The following RNF111 variants were observed in gnomAD, a reference collection of about 807,000 sequenced individuals.
RNF111 encodes ring finger protein 111, also known as E3 ubiquitin-protein ligase Arkadia.
Under a neutral mutation model 95.1 loss-of-function variants are expected in RNF111, and 17 were observed. The observed-to-expected ratio is 0.18, with a 90% CI of 0.12 to 0.27. The LOEUF (loss-of-function observed/expected upper bound fraction) is 0.27, where lower values mean the gene tolerates loss of function less well. Among genes scored for constraint, RNF111 ranks in the 10% least tolerant of loss-of-function variants. RNF111 has a pLI of 1.00. For missense variants in RNF111, 1,189 were observed against 1,210.4 expected (o/e 0.98, Z 0.26); for synonymous variants, 440 against 414.8 (o/e 1.06, Z -0.74).
intron 1 of RNF111, among the ~76,000 whole-genome samples, chr15:59,018,197 G>A (rs1205608344): frequency 5.9e-5 from 9 of 152,092 alleles, no homozygotes; most frequent in Non-Finnish European, 1.0e-4. Flanking sequence ...GTAAAGATGG[G>A]TTCAAAAACA....
intron 1 of RNF111, among the ~76,000 whole-genome samples, chr15:59,026,211 T>G (rs80083708): frequency 0.018 from 2,777 of 152,196 alleles, 53 homozygotes; most frequent in East Asian, 0.038. Context: ...TCTTAATGGG[T>G]TTTTCCTCCT....
chr15:59,025,587 A>G (rs2040560412), intron 1 of RNF111, among the ~76,000 whole-genome samples: 1 of 152,198 alleles, frequency 6.6e-6, no homozygotes, highest in Non-Finnish European at 1.5e-5. Context: ...TACACACCCC[A>G]AGTGATATCC....
At chr15:59,025,467 A>G (rs2040555312) in intron 1 of RNF111, among the ~76,000 whole-genome samples, 1 of 152,192 alleles carries the variant, frequency 6.6e-6, no homozygotes, top group African/African-American at 2.4e-5. Flanking sequence ...TATTATCTAG[A>G]TATGAGTAGT....
intron 2 of RNF111, among the ~76,000 whole-genome samples, chr15:59,040,618 ATTTGCCTTG>A (rs1462378730): frequency 6.6e-6 from 1 of 152,162 alleles, no homozygotes; most frequent in African/African-American, 2.4e-5. Flanking sequence ...ACCATTGCTT[ATTTGCCTTG>A]TCGTATATAT....
chr15:58,999,349 T>G (rs560455279), intron 1 of RNF111, among the ~76,000 whole-genome samples: 2 of 152,358 alleles, frequency 1.3e-5, no homozygotes, highest in East Asian at 3.9e-4. Context: ...GGGGTTTGTT[T>G]GTTTTTGAGA....
At position 59,044,124 on chromosome 15, in the gene RNF111, G is replaced by A. The variant is rs558441967; in HGVS notation, c.881-8181G>A. Among the ~76,000 whole-genome samples, 7 of 152,210 alleles carry A rather than the reference G, an allele frequency of 4.6e-5. 1 individual carries two copies. The highest frequency in any genetic ancestry group is 2.1e-4 in the South Asian group (1 of 4,826). ...CGGCTCACTGCAACCCCCACCTCCC[G>A]GGTTCAAGCGATTCTCCTGCCTCAG... is the stretch of plus-strand genomic sequence containing the variant. On this transcript the variant is annotated intron_variant, in intron 2 of 13. Coordinates refer to ENST00000348370, the MANE Select transcript of RNF111 (RefSeq NM_017610.8).
intron 1 of RNF111, among the ~76,000 whole-genome samples, chr15:58,992,158 C>T (rs999660125): frequency 1.4e-4 from 21 of 152,108 alleles, no homozygotes; most frequent in African/African-American, 4.1e-4. Flanking sequence ...AATTCTTCTG[C>T]GTCAGTCTCC....
At chr15:59,084,699 G>A (rs1457566527) in intron 9 of RNF111, among the ~76,000 whole-genome samples, 1 of 152,062 alleles carries the variant, frequency 6.6e-6, no homozygotes, top group East Asian at 1.9e-4. Flanking sequence ...CTGTGCAGTA[G>A]AATATCAGAA....
chr15:59,065,249 G>C (rs1365618160), intron 5 of RNF111, among the ~76,000 whole-genome samples: 1 of 152,152 alleles, frequency 6.6e-6, no homozygotes, highest in Admixed American at 6.5e-5. Flanking sequence ...GAAGCTTCAA[G>C]TTTTAAAAAT....
At chr15:59,060,891 T>A (rs1173454242) in intron 5 of RNF111, among the ~76,000 whole-genome samples, 2 of 151,748 alleles carry the variant, frequency 1.3e-5, no homozygotes, top group African/African-American at 4.8e-5. Context: ...AATCTCCACC[T>A]CCCAGGCTCA....
At position 59,095,198 on chromosome 15, in the gene RNF111, T is replaced by G. The variant is rs1315345355; in HGVS notation, c.*298T>G. The G allele has an allele frequency of 3.5e-6, 1 of 284,706 alleles. No homozygotes were observed. Among genetic ancestry groups the G allele is most frequent in the African/African-American group, 2.3e-5 (1 of 43,136 alleles). The allele number at this position is 284,706 out of a possible 1,614,324, so 17.6% of individuals were successfully genotyped here. On this transcript the variant is annotated 3_prime_UTR_variant, in exon 14 of 14. Coordinates refer to ENST00000348370, the MANE Select transcript of RNF111 (RefSeq NM_017610.8). ...TATTATGGGCTTGTGACCCTAAACT[T>G]GCAGGCAAGGTTAGCTGCTTTAGTA... is the stretch of plus-strand genomic sequence containing the variant.
At chr15:59,057,468 A>C (rs1032584344) in intron 4 of RNF111, among the ~76,000 whole-genome samples, 10 of 152,208 alleles carry the variant, frequency 6.6e-5, no homozygotes, top group Non-Finnish European at 1.5e-4. Flanking sequence ...CTCATTCCAT[A>C]GCACATTAAG....
intron 1 of RNF111, among the ~76,000 whole-genome samples, chr15:58,996,108 G>A (rs1362927222): frequency 1.3e-5 from 2 of 151,826 alleles, no homozygotes; most frequent in Non-Finnish European, 2.9e-5. Context: ...TACATAATGA[G>A]TTATGTTCTT....
At chr15:59,040,626 TGTC>T (rs1171853142) in intron 2 of RNF111, among the ~76,000 whole-genome samples, 2 of 152,266 alleles carry the variant, frequency 1.3e-5, no homozygotes, top group African/African-American at 2.4e-5. Flanking sequence ...TTATTTGCCT[TGTC>T]GTATATATGC....
intron 1 of RNF111, among the ~76,000 whole-genome samples, chr15:59,022,898 A>T (rs960559480): frequency 9.8e-5 from 15 of 152,364 alleles, no homozygotes; most frequent in African/African-American, 3.6e-4. Context: ...ATGCAGAAGT[A>T]TGAACAGATC....
rs556101396 is a variant in RNF111, at chr15:59,017,807, G to T, written c.-19-12997G>T. ...AGTTTCGCTCTTGTTGTCCAGGCTAGAGTGCAATGGCACAATCTCGGCTCT... is the reference window on the plus strand; with the variant it reads ...AGTTTCGCTCTTGTTGTCCAGGCTATAGTGCAATGGCACAATCTCGGCTCT... On this transcript the variant is annotated intron_variant, in intron 1 of 13. Transcript: ENST00000348370. Among the ~76,000 whole-genome samples, 20 of 136,216 alleles carry T rather than the reference G, an allele frequency of 1.5e-4. No individual in the cohort carries two copies. In the East Asian group the frequency reaches 3.0e-3, roughly 20 times the overall value. 89.4% of individuals were successfully genotyped at this position (136,216 alleles called of 152,430 possible). A position where few individuals can be genotyped will look rare whatever the true frequency, so the allele number is the denominator to read the frequency against.
Position 59,095,057 on chromosome 15 carries a change from T to G in RNF111, c.*157T>G. 1 of 660,546 alleles carries G rather than the reference T, an allele frequency of 1.5e-6. No individual in the cohort carries two copies. The highest frequency in any genetic ancestry group is 1.7e-5 in the South Asian group (1 of 59,816). 40.9% of individuals were successfully genotyped at this position (660,546 alleles called of 1,614,324 possible). On this transcript the variant is annotated 3_prime_UTR_variant, in exon 14 of 14. Coordinates refer to ENST00000348370, the MANE Select transcript of RNF111 (RefSeq NM_017610.8). Reference sequence around the variant, plus strand: ...TACAACTAATGCTAGACCTACAGTTTATGTATACAGTTGATTTTGATGTAT... The same window carrying G: ...TACAACTAATGCTAGACCTACAGTTGATGTATACAGTTGATTTTGATGTAT...
At chr15:58,988,231 T>A (rs55905765) in intron 1 of RNF111, 163 bp downstream of exon 1, 2,413 of 151,834 alleles carry the variant, frequency 0.016, 33 homozygotes, top group Non-Finnish European at 0.026. Context: ...AGGGTCTGGG[T>A]CTCCGCAGAC....
intron 1 of RNF111, among the ~76,000 whole-genome samples, chr15:58,997,135 T>C (rs2039111083): frequency 6.6e-6 from 1 of 152,194 alleles, no homozygotes; most frequent in Non-Finnish European, 1.5e-5. Flanking sequence ...ACCAAATTTA[T>C]AAGGTACAAA....
Sources: gnomAD v4.1 joint callset for allele counts (sites outside exome capture counted in the v4.1 genomes callset) on GRCh38, gnomAD v4.1.1 for gene constraint, MANE v1.5 for transcripts, NCBI Gene and HGNC (gene_info 2026-07-23, HGNC 2026-07-21) for gene names.